NCKAP5: variants seen among roughly 807,000 people sequenced by gnomAD.
NCKAP5 encodes nck-associated protein 5.
In NCKAP5, 92 loss-of-function variants were observed where a neutral mutation model predicts 167.0. The ratio of observed to expected loss-of-function variants is 0.55; its 90% CI spans 0.47 to 0.66. NCKAP5 has a LOEUF of 0.66. NCKAP5 is among the 30% of genes least tolerant of loss of function. NCKAP5 has a pLI of 0.00. For synonymous variants in NCKAP5, 891 were observed against 877.4 expected (o/e 1.02, Z -0.27); for missense variants, 2,378 against 2,315.0 (o/e 1.03, Z -0.56).
At chr2:133,605,912 C>T in the NCKAP5 span, among the ~76,000 whole-genome samples, 1 of 152,292 alleles carries the variant, frequency 6.6e-6, no homozygotes, top group Non-Finnish European at 1.5e-5. Context: ...AGGCTCTGTG[C>T]TTCAAAGAAC....
chr2:132,853,937 TC>T (rs376320529), intron 11 of NCKAP5, among the ~76,000 whole-genome samples: 2 of 152,292 alleles, frequency 1.3e-5, no homozygotes, highest in African/African-American at 4.8e-5. Context: ...CTGCTCTCAC[TC>T]CCTTCTGCTC....
intron 3 of NCKAP5, among the ~76,000 whole-genome samples, chr2:133,387,563 T>C (rs970312211): frequency 3.9e-5 from 6 of 152,332 alleles, no homozygotes; most frequent in Middle Eastern, 3.4e-3. Context: ...TGTAGCATTC[T>C]CTGTATTTCC....
intron 10 of NCKAP5, among the ~76,000 whole-genome samples, chr2:132,861,413 G>A (rs944468440): frequency 1.3e-5 from 2 of 151,950 alleles, no homozygotes; most frequent in Non-Finnish European, 2.9e-5. Context: ...CAAGGCAGAC[G>A]CAGTAGAATA....
At chr2:133,618,474 C>G in the NCKAP5 span, among the ~76,000 whole-genome samples, 31,043 of 147,674 alleles carry the variant, frequency 0.21, 2,901 homozygotes, top group East Asian at 0.31. Flanking sequence ...AACAAACAAC[C>G]CCATCAAAAA....
chr2:133,218,319 T>C (rs2086516620), intron 4 of NCKAP5, among the ~76,000 whole-genome samples: 1 of 152,196 alleles, frequency 6.6e-6, no homozygotes, highest in African/African-American at 2.4e-5. Context: ...TTTAGAATTT[T>C]GCAACTCTCT....
At position 133,538,753 on chromosome 2, in the gene NCKAP5, TGAA is replaced by T. The variant is rs201321204; in HGVS notation, c.-62+20294_-62+20296del. Among the ~76,000 whole-genome samples the T allele has an allele frequency of 6.1e-3, 933 of 152,096 alleles. 24 individuals are homozygous for T. Among genetic ancestry groups the T allele is most frequent in the Admixed American group, 0.054 (820 of 15,268 alleles). On this transcript the variant is annotated intron_variant, in intron 2 of 19. Transcript: ENST00000409261. ...GTCTGGGAAAAGGGTCCCTCAATCT[TGAA>T]GAAGGATTGTGAAAACTAATTACTG...
chr2:133,664,272 G>T, the NCKAP5 span, among the ~76,000 whole-genome samples: 23,950 of 151,974 alleles, frequency 0.16, 3,975 homozygotes, highest in African/African-American at 0.4. Context: ...CTAGAGCATA[G>T]GCAGGGTAGA....
chr2:133,599,536 G>A, the NCKAP5 span, among the ~76,000 whole-genome samples: 1 of 152,172 alleles, frequency 6.6e-6, no homozygotes, highest in Non-Finnish European at 1.5e-5. Flanking sequence ...AGCATTTACT[G>A]GAGCCCTTTC....
At chr2:133,448,251 A>G (rs867998266) in intron 3 of NCKAP5, among the ~76,000 whole-genome samples, 30 of 115,636 alleles carry the variant, frequency 2.6e-4, no homozygotes, top group African/African-American at 1.1e-3. Flanking sequence ...TTGTTCTGGG[A>G]AAAAAAAAAA....
At chr2:133,581,854 T>C in the NCKAP5 span, among the ~76,000 whole-genome samples, 3 of 152,246 alleles carry the variant, frequency 2.0e-5, no homozygotes, top group African/African-American at 7.2e-5. Flanking sequence ...GCAGGGGCCA[T>C]TTCTAACGTT....
chr2:133,025,217 C>T (rs2078656198), intron 6 of NCKAP5, among the ~76,000 whole-genome samples: 1 of 152,182 alleles, frequency 6.6e-6, no homozygotes, highest in Admixed American at 6.5e-5. Flanking sequence ...AGGCAACAAT[C>T]CAAAACTTTT....
At chr2:133,260,700 C>A (rs1328300671) in intron 4 of NCKAP5, among the ~76,000 whole-genome samples, 2 of 152,066 alleles carry the variant, frequency 1.3e-5, no homozygotes, top group African/African-American at 4.8e-5. Flanking sequence ...AAGAACTGCA[C>A]TACGATATTA....
chr2:132,936,759 G>A (rs1057105144), intron 8 of NCKAP5, among the ~76,000 whole-genome samples: 3 of 152,174 alleles, frequency 2.0e-5, no homozygotes, highest in African/African-American at 7.2e-5. Context: ...AGGATCTAGA[G>A]TATTTTTTTC....
At chr2:133,495,584 T>C (rs1433609855) in intron 3 of NCKAP5, among the ~76,000 whole-genome samples, 1 of 152,176 alleles carries the variant, frequency 6.6e-6, no homozygotes, top group Non-Finnish European at 1.5e-5. Context: ...AACTACTGTT[T>C]CATGACAGCC....
intron 19 of NCKAP5, among the ~76,000 whole-genome samples, chr2:132,687,120 T>C (rs1686046227): frequency 6.6e-6 from 1 of 152,110 alleles, no homozygotes; most frequent in Admixed American, 6.6e-5. Context: ...GGTTTAAAAA[T>C]AATGGGATGA....
chr2:132,776,671 G>A (rs1191160538), intron 15 of NCKAP5, among the ~76,000 whole-genome samples: 1 of 152,140 alleles, frequency 6.6e-6, no homozygotes, highest in African/African-American at 2.4e-5. Context: ...CATACAAATA[G>A]ATTTCAATGC....
At chr2:132,867,424 A>G (rs1425096669) in intron 10 of NCKAP5, among the ~76,000 whole-genome samples, 2 of 152,212 alleles carry the variant, frequency 1.3e-5, no homozygotes, top group Non-Finnish European at 2.9e-5. Flanking sequence ...CTTCTTCCAA[A>G]GTAATTTCAG....
chr2:133,662,930 T>A, the NCKAP5 span, among the ~76,000 whole-genome samples: 2 of 151,728 alleles, frequency 1.3e-5, no homozygotes, highest in African/African-American at 4.9e-5. Context: ...TAGCATTATG[T>A]CTAAGAAACA....
intron 8 of NCKAP5, 75 bp downstream of exon 8, chr2:132,963,645 C>G: frequency 1.4e-6 from 2 of 1,467,502 alleles, no homozygotes; most frequent in Admixed American, 3.6e-5. Flanking sequence ...TATACTCACT[C>G]AAAACCAGTG....
Sources: gnomAD v4.1 joint callset for allele counts (sites outside exome capture counted in the v4.1 genomes callset) on GRCh38, gnomAD v4.1.1 for gene constraint, MANE v1.5 for transcripts, NCBI Gene and HGNC (gene_info 2026-07-23, HGNC 2026-07-21) for gene names.